P4HA1: variants seen among roughly 807,000 people sequenced by gnomAD.
P4HA1 encodes the protein prolyl 4-hydroxylase subunit alpha-1.
A neutral mutation model predicts 72.8 loss-of-function variants in P4HA1; 24 were observed. The observed-to-expected ratio is 0.33, with a 90% CI of 0.24 to 0.46. P4HA1 has a LOEUF of 0.46. Among genes scored for constraint, P4HA1 ranks in the 20% least tolerant of loss-of-function variants. The probability of loss-of-function intolerance (pLI) is 1.00; values close to 1 mark genes in which losing one functional copy is unlikely to be tolerated. For missense variants in P4HA1, 446 were observed against 640.6 expected (o/e 0.70, Z 3.28); for synonymous variants, 201 against 218.8 (o/e 0.92, Z 0.72).
At chr10:73,016,205 A>G (rs1840004917) in intron 11 of P4HA1, among the ~76,000 whole-genome samples, 3 of 152,142 alleles carry the variant, frequency 2.0e-5, no homozygotes, top group Non-Finnish European at 4.4e-5. Context: ...CTGGATGATG[A>G]TCACTCTTCC....
At chr10:73,039,417 C>T (rs1224572479) in intron 9 of P4HA1, among the ~76,000 whole-genome samples, 2 of 152,158 alleles carry the variant, frequency 1.3e-5, no homozygotes, top group Non-Finnish European at 2.9e-5. Flanking sequence ...TGCCGTTCTC[C>T]TGCCTCAGCC....
intron 10 of P4HA1, among the ~76,000 whole-genome samples, chr10:73,022,968 A>G (rs1193574041): frequency 1.3e-5 from 2 of 152,224 alleles, no homozygotes; most frequent in African/African-American, 4.8e-5. Context: ...AGAAACAAAT[A>G]AAGCCTCCAA....
At chr10:73,031,165 T>C (rs1056191400) in intron 9 of P4HA1, among the ~76,000 whole-genome samples, 1 of 152,064 alleles carries the variant, frequency 6.6e-6, no homozygotes, top group Non-Finnish European at 1.5e-5. Context: ...ATCTATAAAC[T>C]GGAATATTAT....
chr10:73,092,610 G>A (rs545908337), intron 1 of P4HA1, among the ~76,000 whole-genome samples: 20 of 148,830 alleles, frequency 1.3e-4, no homozygotes, highest in Middle Eastern at 3.2e-3. Context: ...CTCCTGCCTC[G>A]GCCTTCCAAA....
rs1465981166 is a variant in P4HA1, at chr10:73,008,370, T to C, written c.1535-78A>G. On this transcript the variant is annotated intron_variant, in intron 14 of 14. Transcript: ENST00000394890. ...AATTAGTTTCTAAAAGCTAGGTCTATAACAAAGTTTCATCATGGGATAAAA... is the reference window on the plus strand; with the variant it reads ...AATTAGTTTCTAAAAGCTAGGTCTACAACAAAGTTTCATCATGGGATAAAA... 20 of 903,586 alleles carry C rather than the reference T, an allele frequency of 2.2e-5. No homozygotes were observed. In the South Asian group the frequency reaches 2.2e-4, roughly 10 times the overall value. 56.0% of individuals were successfully genotyped at this position (903,586 alleles called of 1,614,324 possible).
At chr10:73,009,947 G>C (rs186821839) in intron 13 of P4HA1, 44 bp from the exon 14 acceptor site, 1 of 1,063,806 alleles carries the variant, frequency 9.4e-7, no homozygotes, top group Non-Finnish European at 1.4e-6. Flanking sequence ...TACAATGCCA[G>C]GTAATTGCTT....
At chr10:73,062,407 A>G (rs1841332842) in intron 5 of P4HA1, among the ~76,000 whole-genome samples, 1 of 152,106 alleles carries the variant, frequency 6.6e-6, no homozygotes, top group Non-Finnish European at 1.5e-5. Flanking sequence ...AAAAACAACA[A>G]CAAGCCTACA....
intron 1 of P4HA1, among the ~76,000 whole-genome samples, chr10:73,087,727 A>G (rs1347641803): frequency 6.6e-6 from 1 of 151,618 alleles, no homozygotes; most frequent in Non-Finnish European, 1.5e-5. Context: ...TGGATTTTCA[A>G]GCAATCCTCC....
rs530255149 is a variant in P4HA1, at chr10:73,069,138, A to G, written c.326-155T>C. Among the ~76,000 whole-genome samples the G allele has an allele frequency of 8.4e-4, 128 of 152,324 alleles. 2 individuals carry two copies. Among genetic ancestry groups the G allele is most frequent in the Non-Finnish European group, 1.4e-3 (94 of 68,014 alleles). ...AACAAGAAAAAATTAAATACACTGA[A>G]TAAGACTTGGCATACTTCTAACTTG... On this transcript the variant is annotated intron_variant, in intron 4 of 14. Coordinates refer to ENST00000394890, the MANE Select transcript of P4HA1 (RefSeq NM_001017962.3).
At chr10:73,011,092 G>A in intron 12 of P4HA1, 55 bp from the exon 13 acceptor site, 2 of 1,299,030 alleles carry the variant, frequency 1.5e-6, no homozygotes, top group South Asian at 2.4e-5. Context: ...AGTAAAACAT[G>A]CCATTATATA....
intron 9 of P4HA1, among the ~76,000 whole-genome samples, chr10:73,039,012 G>T: frequency 6.6e-6 from 1 of 151,876 alleles, no homozygotes; most frequent in Non-Finnish European, 1.5e-5. Context: ...GCCTTTTTTG[G>T]CTGGATGCAA....
At position 73,051,269 on chromosome 10, in the gene P4HA1, G is replaced by C. The variant is rs1161605960; in HGVS notation, c.704-20C>G. 2 of 1,341,462 alleles carry C rather than the reference G, an allele frequency of 1.5e-6. No homozygotes were observed. Among genetic ancestry groups the C allele is most frequent in the Middle Eastern group, 1.8e-4 (1 of 5,482 alleles). 83.1% of individuals were successfully genotyped at this position (1,341,462 alleles called of 1,614,324 possible). Reference sequence around the variant, plus strand: ...CAGGATCTATTAGAAGAGAAACAAAGCATGTCCATGGGTAAGTTCATGCTT... The same window carrying C: ...CAGGATCTATTAGAAGAGAAACAAACCATGTCCATGGGTAAGTTCATGCTT... On this transcript the variant is annotated intron_variant, in intron 6 of 14. Transcript: ENST00000394890.
chr10:73,041,042 G>C (rs71469902), intron 9 of P4HA1, among the ~76,000 whole-genome samples: 11 of 152,102 alleles, frequency 7.2e-5, no homozygotes, highest in African/African-American at 1.7e-4. Flanking sequence ...ATGCAAATTA[G>C]TTTCTGCAAA....
In P4HA1 at chr10:73,080,651, G is replaced by C. The variant is rs557393056; in HGVS notation, c.-32-5736C>G. Among the ~76,000 whole-genome samples the C allele has an allele frequency of 4.6e-5, 7 of 152,260 alleles. No individual in the cohort carries two copies. In the South Asian group the frequency reaches 1.2e-3, roughly 27 times the overall value. On this transcript the variant is annotated intron_variant, in intron 1 of 14. Coordinates refer to ENST00000394890, the MANE Select transcript of P4HA1 (RefSeq NM_001017962.3). ...TTAACAATGGTTTCTAGCCGGGCAT[G>C]GTGGCTCACACCTGTAATCCCAGTA... is the stretch of plus-strand genomic sequence containing the variant.
intron 12 of P4HA1, among the ~76,000 whole-genome samples, chr10:73,012,136 G>C (rs1196589059): frequency 6.6e-6 from 1 of 152,134 alleles, no homozygotes; most frequent in Non-Finnish European, 1.5e-5. Flanking sequence ...CATTAAGAGG[G>C]AGAAACAGAT....
At chr10:73,063,981 A>C (rs1250587153) in intron 5 of P4HA1, among the ~76,000 whole-genome samples, 1 of 144,508 alleles carries the variant, frequency 6.9e-6, no homozygotes, top group Non-Finnish European at 1.5e-5. Flanking sequence ...TGGTATGGGC[A>C]GAAAAAGACT....
chr10:73,043,874 A>T, intron 9 of P4HA1: 1 of 1,584,990 alleles, frequency 6.3e-7, no homozygotes, highest in Non-Finnish European at 8.7e-7. Flanking sequence ...AGTTCTCTCC[A>T]TTACTCCCTT....
At chr10:73,084,241 G>C (rs1841880111) in intron 1 of P4HA1, among the ~76,000 whole-genome samples, 1 of 152,194 alleles carries the variant, frequency 6.6e-6, no homozygotes, top group Non-Finnish European at 1.5e-5. Context: ...TATAAATTAT[G>C]AAGTTAAGTA....
At chr10:73,068,541 T>A (rs547282622) in intron 5 of P4HA1, among the ~76,000 whole-genome samples, 2 of 152,324 alleles carry the variant, frequency 1.3e-5, no homozygotes, top group Admixed American at 1.3e-4. Flanking sequence ...CAAATAGTAT[T>A]AGGTGTTCTG....
Sources: allele counts gnomAD v4.1 joint callset (sites outside exome capture counted in the v4.1 genomes callset), GRCh38; gene constraint gnomAD v4.1.1; transcripts MANE v1.5; gene names NCBI Gene and HGNC (gene_info 2026-07-23, HGNC 2026-07-21).